The following DCTD variants were observed in gnomAD, a reference collection of about 807,000 sequenced individuals.
DCTD encodes dCMP deaminase.
DCTD carries 23 observed loss-of-function variants against 21.0 expected under a neutral mutation model. The ratio of observed to expected loss-of-function variants is 1.09; its 90% confidence interval spans 0.79 to 1.55. The LOEUF (loss-of-function observed/expected upper bound fraction) is 1.55, where lower values mean the gene tolerates loss of function less well. Ranked by LOEUF, DCTD falls within the 40% of genes most tolerant of loss-of-function variation. The pLI is 0.00. For synonymous variants in DCTD, 71 were observed against 81.1 expected (o/e 0.88, Z 0.67); for missense variants, 224 against 230.0 (o/e 0.97, Z 0.17).
At chr4:182,915,603 G>T (rs72553965) in intron 1 of DCTD, 28 bp from the exon 2 acceptor site, 11 of 1,412,492 alleles carry the variant, frequency 7.8e-6, no homozygotes, top group Admixed American at 1.7e-5. Context: ...CAAAACAGAA[G>T]TTGAGAGAAG....
chr4:182,894,583 G>A lies in DCTD; in HGVS notation c.267C>T (p.Ala89=). 1.2e-6 allele frequency: 2 copies of A among 1,613,794 alleles called. No individual in the cohort carries two copies. The highest frequency in any genetic ancestry group is 1.7e-6 in the Non-Finnish European group (2 of 1,179,682). ...YPYVCHAELN[A]IMNKNSTDVK... is the part of the protein sequence containing the mutation. The stretch of plus-strand genomic sequence containing the variant: ...CATCGGTCGAATTTTTGTTCATGAT[G>A]GCATTCAGCTCCGCATGGCACACTG... Residue 89 remains alanine, a synonymous_variant, in exon 4 of 6, where the codon GCC becomes GCT. Coordinates refer to ENST00000438320, the MANE Select transcript of DCTD (RefSeq NM_001921.3).
chr4:182,897,809 G>A (rs571576326), intron 3 of DCTD, among the ~76,000 whole-genome samples: 2 of 152,284 alleles, frequency 1.3e-5, no homozygotes, highest in East Asian at 3.9e-4. Flanking sequence ...GAGCACCTGA[G>A]GCCGCAACCC....
intron 3 of DCTD, among the ~76,000 whole-genome samples, chr4:182,905,521 G>C (rs1310301854): frequency 6.6e-6 from 1 of 151,972 alleles, no homozygotes; most frequent in Non-Finnish European, 1.5e-5. Context: ...TAGAGACGGG[G>C]TTTCACCATG....
chr4:182,906,520 A>T (rs894025123), intron 3 of DCTD, among the ~76,000 whole-genome samples: 1 of 152,176 alleles, frequency 6.6e-6, no homozygotes, highest in African/African-American at 2.4e-5. Context: ...AAAAACTCCA[A>T]CGCATTATAA....
At chr4:182,893,857 C>A (rs919784575) in intron 4 of DCTD, among the ~76,000 whole-genome samples, 3 of 152,242 alleles carry the variant, frequency 2.0e-5, no homozygotes, top group Non-Finnish European at 4.4e-5. Context: ...GATAAACGGC[C>A]CCTTCAAACC....
intron 3 of DCTD, among the ~76,000 whole-genome samples, chr4:182,912,590 C>T (rs796629975): frequency 5.3e-5 from 8 of 152,274 alleles, no homozygotes; most frequent in African/African-American, 1.9e-4. Context: ...TGAAGTTGGA[C>T]AAATACCTAT....
intron 3 of DCTD, among the ~76,000 whole-genome samples, chr4:182,900,309 C>T (rs1735503517): frequency 6.6e-6 from 1 of 151,492 alleles, no homozygotes; most frequent in South Asian, 2.1e-4. Flanking sequence ...GAGCAAGACC[C>T]CATCTCAGAA....
chr4:182,911,271 A>G (rs925066056), intron 3 of DCTD: 1 of 152,284 alleles, frequency 6.6e-6, no homozygotes, highest in East Asian at 1.9e-4. Context: ...CTCCACCCTC[A>G]TGGCCTAATT....
intron 3 of DCTD, among the ~76,000 whole-genome samples, chr4:182,899,138 T>C (rs1735259048): frequency 6.6e-6 from 1 of 152,168 alleles, no homozygotes; most frequent in Non-Finnish European, 1.5e-5. Context: ...TCTGATGACC[T>C]GATGAGAGCC....
intron 3 of DCTD, among the ~76,000 whole-genome samples, chr4:182,898,641 C>A (rs2152856757): frequency 6.6e-6 from 1 of 152,266 alleles, no homozygotes; most frequent in East Asian, 1.9e-4. Context: ...TCTCTGAGGG[C>A]TCCCGCTTCT....
chr4:182,902,163 T>A (rs147073948), intron 3 of DCTD, among the ~76,000 whole-genome samples: 1 of 152,106 alleles, frequency 6.6e-6, no homozygotes, highest in Admixed American at 6.5e-5. Flanking sequence ...ATCCTGCACG[T>A]CAATAATTTA....
At chr4:182,906,310 C>T (rs1416051642) in intron 3 of DCTD, among the ~76,000 whole-genome samples, 1 of 152,128 alleles carries the variant, frequency 6.6e-6, no homozygotes. Flanking sequence ...AAGTGACTGC[C>T]TCAGAAAGGA....
intron 3 of DCTD, among the ~76,000 whole-genome samples, chr4:182,908,703 AAAGAAGAAG>A (rs1216280738): frequency 3.0e-5 from 4 of 134,932 alleles, no homozygotes; most frequent in South Asian, 2.4e-4. Context: ...AAAAAAAAAA[AAAGAAGAAG>A]AAGAAGAAGA....
intron 3 of DCTD, among the ~76,000 whole-genome samples, chr4:182,903,505 G>C (rs9993866): frequency 0.11 from 16,028 of 152,166 alleles, 1,546 homozygotes; most frequent in African/African-American, 0.26. Flanking sequence ...CGCCGCATGC[G>C]TGGAAAATGT....
At chr4:182,892,749 T>C (rs1034942058) in intron 5 of DCTD, among the ~76,000 whole-genome samples, 1 of 152,240 alleles carries the variant, frequency 6.6e-6, no homozygotes, top group Admixed American at 6.5e-5. Context: ...ATTATAAAAC[T>C]TGTGAATGTT....
chr4:182,912,803 G>C (rs888198961), intron 3 of DCTD, among the ~76,000 whole-genome samples: 6 of 152,148 alleles, frequency 3.9e-5, no homozygotes, highest in Non-Finnish European at 8.8e-5. Flanking sequence ...TCTGCTGGGG[G>C]CTCTGGGTGA....
At chr4:182,892,112 A>G (rs1733874018) in intron 5 of DCTD, among the ~76,000 whole-genome samples, 1 of 152,168 alleles carries the variant, frequency 6.6e-6, no homozygotes, top group African/African-American at 2.4e-5. Flanking sequence ...CTCAGAAGGC[A>G]CCACGGTTGA....
At chr4:182,895,735 A>AAATCCTAAC (rs1734620187) in intron 3 of DCTD, among the ~76,000 whole-genome samples, 1 of 152,148 alleles carries the variant, frequency 6.6e-6, no homozygotes, top group South Asian at 2.1e-4. Context: ...ACTCTATTAT[A>AAATCCTAAC]AATCCTAACA....
At chr4:182,907,459 T>C (rs1378655765) in intron 3 of DCTD, among the ~76,000 whole-genome samples, 1 of 152,188 alleles carries the variant, frequency 6.6e-6, no homozygotes, top group African/African-American at 2.4e-5. Context: ...TTTATTGCTG[T>C]TATCCAACCT....
Sources: allele counts gnomAD v4.1 joint callset (sites outside exome capture counted in the v4.1 genomes callset), GRCh38; gene constraint gnomAD v4.1.1; transcripts MANE v1.5; gene names NCBI Gene and HGNC (gene_info 2026-07-23, HGNC 2026-07-21).